Variants in WIPI2 observed in about 807,000 individuals in gnomAD.
The protein encoded by WIPI2 is WD repeat domain, phosphoinositide interacting 2.
WIPI2 carries 28 observed loss-of-function variants against 52.3 expected under a neutral mutation model. That is an observed-to-expected ratio of 0.54 (90% CI 0.40 to 0.73). WIPI2 has a LOEUF of 0.73. WIPI2 is among the 30% of genes least tolerant of loss of function. WIPI2 has a pLI of 0.00. For missense variants in WIPI2, 506 were observed against 602.9 expected (o/e 0.84, Z 1.68); for synonymous variants, 268 against 245.0 (o/e 1.09, Z -0.88).
chr7:5,228,903 G>A (rs940971449), intron 11 of WIPI2, among the ~76,000 whole-genome samples: 2 of 151,500 alleles, frequency 1.3e-5, no homozygotes, highest in Non-Finnish European at 2.9e-5. Context: ...TTACTTTCTT[G>A]TGCAGGGTCT....
chr7:5,195,191 G>A (rs1781686376), intron 2 of WIPI2, among the ~76,000 whole-genome samples: 2 of 152,166 alleles, frequency 1.3e-5, no homozygotes, highest in South Asian at 4.1e-4. Context: ...GTCAATGAAA[G>A]AGCCCACTAA....
chr7:5,204,400 A>G (rs1002400601), intron 3 of WIPI2, among the ~76,000 whole-genome samples: 1 of 152,162 alleles, frequency 6.6e-6, no homozygotes, highest in Non-Finnish European at 1.5e-5. Context: ...CCGGGAGTCA[A>G]AGGTTGCAGT....
intron 6 of WIPI2, 106 bp downstream of exon 6, chr7:5,217,293 C>T: frequency 8.5e-7 from 1 of 1,176,264 alleles, no homozygotes. Context: ...AATACAACCG[C>T]TGCACTTTTT....
At chr7:5,222,803 C>T (rs1783209474) in intron 8 of WIPI2, 131 bp downstream of exon 8, 2 of 867,964 alleles carry the variant, frequency 2.3e-6, no homozygotes, top group South Asian at 3.0e-5. Context: ...GCTGGGTCAC[C>T]GGGTAAGATC....
chr7:5,225,723 C>G (rs958589525), intron 8 of WIPI2, 100 bp from the exon 9 acceptor site: 4 of 766,250 alleles, frequency 5.2e-6, no homozygotes, highest in Middle Eastern at 3.0e-4. Flanking sequence ...CCAGCAGGCC[C>G]AAGTGTGCCC....
chr7:5,216,998 G>C (rs1782846209), intron 5 of WIPI2, 92 bp from the exon 6 acceptor site: 1 of 1,289,894 alleles, frequency 7.8e-7, no homozygotes, highest in South Asian at 1.4e-5. Context: ...TGTTCCTAAT[G>C]CTCTGTTAAA....
chr7:5,203,157 A>G (rs1473522684), intron 3 of WIPI2, among the ~76,000 whole-genome samples: 1 of 152,182 alleles, frequency 6.6e-6, no homozygotes, highest in African/African-American at 2.4e-5. Flanking sequence ...ACGGGCCATC[A>G]TCTGCATCTT....
At chr7:5,216,808 G>T in intron 5 of WIPI2, 149 bp downstream of exon 5, 1 of 781,806 alleles carries the variant, frequency 1.3e-6, no homozygotes, top group South Asian at 1.8e-5. Flanking sequence ...CCTTCCTACT[G>T]ATGCTGGTCA....
intron 1 of WIPI2, among the ~76,000 whole-genome samples, chr7:5,192,326 G>A (rs1170332181): frequency 6.6e-6 from 1 of 152,224 alleles, no homozygotes; most frequent in Non-Finnish European, 1.5e-5. Context: ...GGTAGTAGTA[G>A]TAGGGTGGTT....
At chr7:5,192,040 T>C (rs993357122) in intron 1 of WIPI2, among the ~76,000 whole-genome samples, 7 of 152,182 alleles carry the variant, frequency 4.6e-5, no homozygotes, top group Admixed American at 4.6e-4. Flanking sequence ...ATGTTCTTTC[T>C]GCTCTGCCAT....
chr7:5,213,572 C>T (rs1421671183), intron 3 of WIPI2, among the ~76,000 whole-genome samples: 2 of 152,348 alleles, frequency 1.3e-5, no homozygotes, highest in Non-Finnish European at 2.9e-5. Flanking sequence ...TAGCCAGGAG[C>T]CACAGGCCAC....
chr7:5,199,583 G>C lies in WIPI2; in HGVS notation c.136G>C (p.Ala46Pro). ...LGRRAVVWSL[A>P]VGSKSGYKFF... is the part of the protein sequence containing the mutation. ...AATTTGGCTTTTTTGCAGGTCCCTA[G>C]CTGTTGGTAGTAAGTCCGGTTATAA... The change falls in exon 3 of 13, where the codon GCT becomes CCT. Residue 46 changes from alanine (A) to proline (P), a missense_variant. Coordinates refer to ENST00000288828, the MANE Select transcript of WIPI2 (RefSeq NM_015610.4). 1 of 1,612,858 alleles carries C rather than the reference G, an allele frequency of 6.2e-7. No homozygotes were observed. Among genetic ancestry groups the C allele is most frequent in the Non-Finnish European group, 8.5e-7 (1 of 1,179,790 alleles).
In WIPI2 at chr7:5,194,321, C is replaced by G. The variant is rs185321551; in HGVS notation, c.128+1150C>G. Among the ~76,000 whole-genome samples the G allele has an allele frequency of 2.0e-5, 3 of 152,262 alleles. No homozygotes were observed. The East Asian group carries it at 5.8e-4, about 29-fold the overall frequency. On this transcript the variant is annotated intron_variant, in intron 2 of 12. Transcript: ENST00000288828. ...TGAGGTTGCTTTTGGTTTACAGTGT[C>G]GGGCTCTATCCGCCTAAGCACGCAA... is the stretch of plus-strand genomic sequence containing the variant.
At chr7:5,204,397 T>C (rs1432700818) in intron 3 of WIPI2, among the ~76,000 whole-genome samples, 2 of 151,924 alleles carry the variant, frequency 1.3e-5, no homozygotes, top group African/African-American at 4.8e-5. Context: ...GACCCGGGAG[T>C]CAAAGGTTGC....
intron 3 of WIPI2, among the ~76,000 whole-genome samples, chr7:5,212,614 G>A (rs1042731815): frequency 3.3e-5 from 5 of 152,100 alleles, no homozygotes; most frequent in Admixed American, 2.0e-4. Context: ...GCTCATTGCA[G>A]CCTCAACCTC....
At position 5,228,278 on chromosome 7, in the gene WIPI2, G is replaced by A. The variant is rs534918339; in HGVS notation, c.1121+67G>A. The A allele has an allele frequency of 2.4e-4, 333 of 1,407,896 alleles. 2 individuals carry two copies. In the African/African-American group the frequency reaches 4.1e-3, roughly 17 times the overall value. The allele number at this position is 1,407,896 out of a possible 1,614,324, so 87.2% of individuals were successfully genotyped here. ...GCGGGGGGCTTTCGGGGCACCTGGC[G>A]AACGTTTGTTTATTTCCTTGCAAAC... On this transcript the variant is annotated intron_variant, in intron 11 of 12. Transcript: ENST00000288828.
At chr7:5,194,415 G>A (rs1781641194) in intron 2 of WIPI2, among the ~76,000 whole-genome samples, 1 of 152,176 alleles carries the variant, frequency 6.6e-6, no homozygotes, top group Non-Finnish European at 1.5e-5. Context: ...TAGGGAAGGG[G>A]GAGAAAAGGA....
chr7:5,198,262 C>T (rs1448120974), intron 2 of WIPI2, among the ~76,000 whole-genome samples: 3 of 152,040 alleles, frequency 2.0e-5, no homozygotes, highest in Non-Finnish European at 2.9e-5. Flanking sequence ...GAGATGCCTG[C>T]GCCCACCTCG....
chr7:5,217,352 T>A, intron 6 of WIPI2, 165 bp downstream of exon 6: 2 of 704,734 alleles, frequency 2.8e-6, no homozygotes, highest in Admixed American at 4.2e-5. Context: ...TCGCCCATGC[T>A]GGAGTGCAGT....
Sources: allele counts gnomAD v4.1 joint callset (sites outside exome capture counted in the v4.1 genomes callset), GRCh38; gene constraint gnomAD v4.1.1; transcripts MANE v1.5; gene names NCBI Gene and HGNC (gene_info 2026-07-23, HGNC 2026-07-21).